MAPK10: variants seen among roughly 807,000 people sequenced by gnomAD.
MAPK10 encodes mitogen-activated protein kinase 10, also known as JNK3 alpha protein kinase.
In MAPK10, 25 loss-of-function variants were observed where a neutral mutation model predicts 59.3. The ratio of observed to expected loss-of-function variants is 0.42; its 90% CI spans 0.31 to 0.59. MAPK10 has a LOEUF of 0.59. MAPK10 is among the 20% of genes least tolerant of loss of function. The pLI is 0.15. For missense variants in MAPK10, 351 were observed against 568.9 expected, an observed-to-expected ratio of 0.62 and a Z score of 3.90; for synonymous variants, 190 against 200.5, an observed-to-expected ratio of 0.95 and a Z score of 0.44.
chr4:86,338,923 C>T (rs976934154), intron 2 of MAPK10, among the ~76,000 whole-genome samples: 1 of 151,956 alleles, frequency 6.6e-6, no homozygotes, highest in Non-Finnish European at 1.5e-5. Context: ...GTTTTACATT[C>T]AATTCTCTCA....
intron 9 of MAPK10, among the ~76,000 whole-genome samples, chr4:86,092,815 A>C (rs1447192331): frequency 6.6e-6 from 1 of 152,106 alleles, no homozygotes; most frequent in East Asian, 1.9e-4. Flanking sequence ...TCTGTACACT[A>C]ATGCTGCCAA....
chr4:86,406,043 T>A (rs952681925), intron 1 of MAPK10, among the ~76,000 whole-genome samples: 1 of 152,178 alleles, frequency 6.6e-6, no homozygotes, highest in African/African-American at 2.4e-5. Flanking sequence ...TATAAGACTA[T>A]CACGTAAGAG....
chr4:86,250,272 T>C (rs1384515434), intron 2 of MAPK10, among the ~76,000 whole-genome samples: 1 of 152,174 alleles, frequency 6.6e-6, no homozygotes, highest in Non-Finnish European at 1.5e-5. Flanking sequence ...AACATTTCTC[T>C]CCAGTAATCA....
At chr4:86,421,822 G>C (rs145991538) in intron 1 of MAPK10, among the ~76,000 whole-genome samples, 6 of 152,256 alleles carry the variant, frequency 3.9e-5, no homozygotes, top group South Asian at 2.1e-4. Context: ...CCCATGGGTG[G>C]CTTCCCATTG....
intron 9 of MAPK10, among the ~76,000 whole-genome samples, chr4:86,089,025 A>C (rs1255587809): frequency 6.6e-6 from 1 of 152,180 alleles, no homozygotes; most frequent in Admixed American, 6.5e-5. Flanking sequence ...TATCCACATA[A>C]GGTCTTACTA....
At chr4:86,431,661 C>T (rs760169668) in intron 1 of MAPK10, among the ~76,000 whole-genome samples, 2 of 152,134 alleles carry the variant, frequency 1.3e-5, no homozygotes, top group African/African-American at 4.8e-5. Context: ...GTCAGCGTAG[C>T]CTTTGGTCAG....
chr4:86,172,152 G>C (rs2074379588), intron 3 of MAPK10, among the ~76,000 whole-genome samples: 1 of 138,800 alleles, frequency 7.2e-6, no homozygotes, highest in Non-Finnish European at 1.5e-5. Context: ...CAGCCATTGT[G>C]GAAGTCAGTG....
chr4:86,504,722 A>G (rs961721752), intron 1 of MAPK10, among the ~76,000 whole-genome samples: 4 of 152,088 alleles, frequency 2.6e-5, no homozygotes, highest in Non-Finnish European at 5.9e-5. Context: ...CCATCCTCCA[A>G]TTGATTTACT....
intron 1 of MAPK10, among the ~76,000 whole-genome samples, chr4:86,412,097 G>C (rs1365380808): frequency 6.6e-6 from 1 of 152,108 alleles, no homozygotes; most frequent in Non-Finnish European, 1.5e-5. Flanking sequence ...CAGGCCTGGT[G>C]GTGACAAAAT....
chr4:86,068,496 T>C (rs181297471), intron 9 of MAPK10, among the ~76,000 whole-genome samples: 12 of 152,272 alleles, frequency 7.9e-5, no homozygotes, highest in Non-Finnish European at 1.3e-4. Context: ...ATAACTTTTA[T>C]AGTAAAACAA....
chr4:86,213,733 G>A (rs996065514), intron 2 of MAPK10, among the ~76,000 whole-genome samples: 1 of 152,012 alleles, frequency 6.6e-6, no homozygotes, highest in African/African-American at 2.4e-5. Context: ...AAAACATTCT[G>A]ACAAAGAAAA....
At chr4:86,337,713 T>C (rs1182448957) in intron 2 of MAPK10, among the ~76,000 whole-genome samples, 1 of 152,106 alleles carries the variant, frequency 6.6e-6, no homozygotes, top group African/African-American at 2.4e-5. Context: ...GTAAAGAAAA[T>C]GTTGCTTGCT....
At chr4:86,390,500 GCT>G (rs1742056485) in intron 1 of MAPK10, among the ~76,000 whole-genome samples, 1 of 152,198 alleles carries the variant, frequency 6.6e-6, no homozygotes, top group Non-Finnish European at 1.5e-5. Context: ...TAGGGTAGGG[GCT>G]TCCATGAGAG....
At chr4:86,304,542 G>A (rs1410992332) in intron 2 of MAPK10, among the ~76,000 whole-genome samples, 2 of 151,230 alleles carry the variant, frequency 1.3e-5, no homozygotes, top group Non-Finnish European at 3.0e-5. Flanking sequence ...ACAGGCGCCC[G>A]CCACCGCGCC....
chr4:86,320,457 C>T (rs1023858709), intron 2 of MAPK10, among the ~76,000 whole-genome samples: 1 of 152,204 alleles, frequency 6.6e-6, no homozygotes, highest in East Asian at 1.9e-4. Context: ...AATAGAATAT[C>T]TACACTTTTT....
At chr4:86,313,792 T>C (rs756586311) in intron 2 of MAPK10, among the ~76,000 whole-genome samples, 4 of 152,160 alleles carry the variant, frequency 2.6e-5, no homozygotes, top group African/African-American at 4.8e-5. Flanking sequence ...TTTGGAACAC[T>C]GTATAGCAGT....
intron 1 of MAPK10, among the ~76,000 whole-genome samples, chr4:86,470,742 ATG>A (rs76238455): frequency 0.085 from 13,011 of 152,224 alleles, 751 homozygotes; most frequent in East Asian, 0.23. Flanking sequence ...TGTTAGGTGA[ATG>A]TATTGCTTTG....
chr4:86,564,956 A>C (rs985190929), intron 1 of MAPK10, among the ~76,000 whole-genome samples: 3 of 152,126 alleles, frequency 2.0e-5, no homozygotes, highest in African/African-American at 7.2e-5. Flanking sequence ...ATGATTTGGC[A>C]TCTCGAGAAC....
intron 1 of MAPK10, among the ~76,000 whole-genome samples, chr4:86,409,625 T>C (rs1024261001): frequency 2.0e-5 from 3 of 152,212 alleles, no homozygotes; most frequent in Non-Finnish European, 4.4e-5. Context: ...GCATCCCTTG[T>C]AATTTGGATT....
Sources: allele counts gnomAD v4.1 joint callset (sites outside exome capture counted in the v4.1 genomes callset), GRCh38; gene constraint gnomAD v4.1.1; transcripts MANE v1.5; gene names NCBI Gene and HGNC (gene_info 2026-07-23, HGNC 2026-07-21).